FBN2: variants seen among roughly 807,000 people sequenced by gnomAD.
The protein encoded by FBN2 is fibrillin-2.
In FBN2, 105 loss-of-function variants were observed where a neutral mutation model predicts 355.6. The observed-to-expected ratio is 0.30, with a 90% confidence interval of 0.25 to 0.35. FBN2 has a LOEUF of 0.35. FBN2 is among the 10% of genes least tolerant of loss of function. The probability of loss-of-function intolerance (pLI) is 1.00; values close to 1 mark genes in which losing one functional copy is unlikely to be tolerated. For synonymous variants in FBN2, 1,350 were observed against 1,301.2 expected, an observed-to-expected ratio of 1.04 and a Z score of -0.81; for missense variants, 3,280 against 3,758.7, an observed-to-expected ratio of 0.87 and a Z score of 3.33.
chr5:128,463,437 A>G (rs1754612122), intron 6 of FBN2, among the ~76,000 whole-genome samples: 2 of 152,162 alleles, frequency 1.3e-5, no homozygotes, highest in Admixed American at 6.5e-5. Flanking sequence ...CACATATGTG[A>G]GCTTTCATAT....
intron 46 of FBN2, 50 bp downstream of exon 46, chr5:128,302,923 A>T: frequency 9.6e-7 from 1 of 1,043,258 alleles, no homozygotes. Flanking sequence ...ATTTCAGCAC[A>T]TTGTGTGGAA....
intron 34 of FBN2, among the ~76,000 whole-genome samples, chr5:128,327,523 G>A (rs1438517142): frequency 1.3e-5 from 2 of 151,858 alleles, no homozygotes; most frequent in African/African-American, 4.8e-5. Context: ...TGATGTAGGG[G>A]GAAGTTTTTA....
At chr5:128,359,986 TATTTTCCTA>T (rs1751598845) in intron 19 of FBN2, among the ~76,000 whole-genome samples, 1 of 152,130 alleles carries the variant, frequency 6.6e-6, no homozygotes, top group Non-Finnish European at 1.5e-5. Flanking sequence ...CACCAGAAAG[TATTTTCCTA>T]GACAGAGAAA....
intron 28 of FBN2, among the ~76,000 whole-genome samples, 170 bp from the exon 29 acceptor site, chr5:128,335,747 T>C (rs948119449): frequency 6.6e-6 from 1 of 152,230 alleles, no homozygotes; most frequent in Non-Finnish European, 1.5e-5. Context: ...CAGCATTCCA[T>C]GTTTAAGTGC....
intron 25 of FBN2, 39 bp downstream of exon 25, chr5:128,344,346 A>T: frequency 1.2e-6 from 2 of 1,610,254 alleles, no homozygotes; most frequent in Non-Finnish European, 1.7e-6. Context: ...AAGGAAAGAC[A>T]GCCAGAGTTT....
intron 7 of FBN2, among the ~76,000 whole-genome samples, chr5:128,441,259 A>G (rs1393565978): frequency 6.6e-6 from 1 of 152,256 alleles, no homozygotes; most frequent in East Asian, 1.9e-4. Flanking sequence ...ACAAAATGCA[A>G]TGGGCAAAGG....
rs1026249220 is a variant in FBN2, at chr5:128,521,435, T to C, written c.533-2067A>G. On this transcript the variant is annotated intron_variant, in intron 4 of 64. Coordinates refer to ENST00000262464, the MANE Select transcript of FBN2 (RefSeq NM_001999.4). ...CATGCGGGGCTTAATACCTAGGTGA[T>C]AGGTTGATAGGTGCAACAAACCACC... Among the ~76,000 whole-genome samples the C allele has an allele frequency of 3.3e-5, 5 of 152,230 alleles. No homozygotes were observed. In the South Asian group the frequency reaches 6.2e-4, roughly 19 times the overall value.
intron 36 of FBN2, 108 bp from the exon 37 acceptor site, chr5:128,312,903 G>A (rs1750097428): frequency 1.6e-6 from 2 of 1,232,232 alleles, no homozygotes; most frequent in Non-Finnish European, 2.4e-6. Context: ...ACGTTAACAT[G>A]AAAGGTTCCT....
chr5:128,537,813 T>C lies in FBN2; in HGVS notation c.-210A>G. 1 of 609,326 alleles carries C rather than the reference T, an allele frequency of 1.6e-6. No homozygotes were observed. Among genetic ancestry groups the C allele is most frequent in the Non-Finnish European group, 2.9e-6 (1 of 345,742 alleles). 37.7% of individuals were successfully genotyped at this position (609,326 alleles called of 1,614,324 possible). Reference sequence around the variant, plus strand: ...GAAGCGAGACGCGGGGCGCCGGGTCTAGCGCAGTGAGCGGCGAGGCGCGGC... The same window carrying C: ...GAAGCGAGACGCGGGGCGCCGGGTCCAGCGCAGTGAGCGGCGAGGCGCGGC... On this transcript the variant is annotated 5_prime_UTR_variant, in exon 1 of 65. The change abolishes the stop of an existing upstream ORF in the 5' untranslated region. Coordinates refer to ENST00000262464, the MANE Select transcript of FBN2 (RefSeq NM_001999.4).
intron 62 of FBN2, among the ~76,000 whole-genome samples, chr5:128,265,062 T>C (rs764119756): frequency 3.7e-4 from 56 of 152,246 alleles, no homozygotes; most frequent in Non-Finnish European, 5.7e-4. Context: ...TTCTTAGCCT[T>C]TATGGCAGGG....
rs1060504933 is a variant in FBN2, at chr5:128,393,262, G to C, written c.1338C>G (p.Gly446=). 1.9e-6 allele frequency: 3 copies of C among 1,613,996 alleles called. No individual in the cohort carries two copies. The highest frequency in any genetic ancestry group is 2.5e-6 in the Non-Finnish European group (3 of 1,180,014). The change falls in exon 10 of 65, where the codon GGC becomes GGG. Residue 446 remains glycine (G), a synonymous_variant. Coordinates refer to ENST00000262464, the MANE Select transcript of FBN2 (RefSeq NM_001999.4). ...GTGGNGFAPS[G]NGNGYGPGGT... ...CTCCTGGGCCATAGCCATTGCCATT[G>C]CCACTTGGGGCAAAGCCATTTCCCC...
At chr5:128,536,120 TCTTCC>T (rs2112808704) in intron 2 of FBN2, among the ~76,000 whole-genome samples, 1 of 152,320 alleles carries the variant, frequency 6.6e-6, no homozygotes, top group African/African-American at 2.4e-5. Context: ...ACTCCTCCCC[TCTTCC>T]AATTTGTATT....
At chr5:128,484,033 T>C (rs1004473912) in intron 5 of FBN2, among the ~76,000 whole-genome samples, 3 of 152,196 alleles carry the variant, frequency 2.0e-5, no homozygotes, top group Non-Finnish European at 2.9e-5. Context: ...ACATATGGAA[T>C]GGGCAAGAGA....
chr5:128,300,498 C>T (rs542679223), intron 48 of FBN2, among the ~76,000 whole-genome samples: 3 of 152,262 alleles, frequency 2.0e-5, no homozygotes, highest in East Asian at 1.9e-4. Context: ...AAACTGGGTG[C>T]CAAAGATTAC....
At chr5:128,520,713 G>A (rs1040051426) in intron 4 of FBN2, among the ~76,000 whole-genome samples, 5 of 152,074 alleles carry the variant, frequency 3.3e-5, no homozygotes, top group African/African-American at 1.2e-4. Context: ...ACCTTAAAGC[G>A]TCACTGTGCC....
chr5:128,464,624 A>G (rs1279825488), intron 6 of FBN2, 100 bp downstream of exon 6: 41 of 1,288,802 alleles, frequency 3.2e-5, no homozygotes, highest in Non-Finnish European at 4.4e-5. Flanking sequence ...GGAAATCAGT[A>G]TTCTGTTAAA....
At chr5:128,378,152 T>C (rs1283393083) in intron 12 of FBN2, among the ~76,000 whole-genome samples, 1 of 151,918 alleles carries the variant, frequency 6.6e-6, no homozygotes, top group Non-Finnish European at 1.5e-5. Context: ...TGGTTGCAGC[T>C]GTTTTTCACA....
chr5:128,454,210 A>G (rs1754327110), intron 6 of FBN2, among the ~76,000 whole-genome samples: 1 of 152,206 alleles, frequency 6.6e-6, no homozygotes, highest in Non-Finnish European at 1.5e-5. Context: ...ACATGTGCTC[A>G]TCACTGGTTT....
chr5:128,419,323 C>G (rs766256761), intron 7 of FBN2, among the ~76,000 whole-genome samples: 29 of 152,018 alleles, frequency 1.9e-4, no homozygotes, highest in Admixed American at 1.3e-4. Context: ...GCATAATTGC[C>G]TTGGCTAGAA....
Sources: allele counts gnomAD v4.1 joint callset (sites outside exome capture counted in the v4.1 genomes callset), GRCh38; gene constraint gnomAD v4.1.1; transcripts MANE v1.5; gene names NCBI Gene and HGNC (gene_info 2026-07-23, HGNC 2026-07-21).